The following PAN3 variants were observed in gnomAD, a reference collection of about 807,000 sequenced individuals.
PAN3 encodes PAN2-PAN3 deadenylation complex subunit PAN3.
In PAN3, 19 loss-of-function variants were observed where a neutral mutation model predicts 96.2. That is an observed-to-expected ratio of 0.20 (90% CI 0.14 to 0.29). PAN3 has a LOEUF of 0.29. Among genes scored for constraint, PAN3 ranks in the 10% least tolerant of loss-of-function variants. The pLI is 1.00. For missense variants in PAN3, 882 were observed against 1,108.1 expected (o/e 0.80, Z 2.90); for synonymous variants, 433 against 406.6 (o/e 1.06, Z -0.78).
At chr13:28,266,920 G>A in intron 10 of PAN3, 44 bp downstream of exon 10, 10 of 1,458,740 alleles carry the variant, frequency 6.9e-6, no homozygotes, top group Non-Finnish European at 9.1e-6. Context: ...TATCATTGAG[G>A]CTAAGATTAT....
rs987806407 is a variant in PAN3, at chr13:28,277,519, T to G, written c.2189+143T>G. On this transcript the variant is annotated intron_variant, in intron 15 of 18. Coordinates refer to ENST00000380958, the MANE Select transcript of PAN3 (RefSeq NM_175854.8). ...TTATGTCTTTATTTTTATTGCAAAG[T>G]AAATATTTCTTAGATAAATTGATAA... 1.2e-5 allele frequency: 10 copies of G among 837,176 alleles called. No individual in the cohort carries two copies. The East Asian group carries it at 2.9e-4, about 24-fold the overall frequency. The allele number at this position is 837,176 out of a possible 1,614,324, so 51.9% of individuals were successfully genotyped here.
At chr13:28,286,770 G>A (rs145043862) in intron 17 of PAN3, among the ~76,000 whole-genome samples, 1 of 152,142 alleles carries the variant, frequency 6.6e-6, no homozygotes, top group Non-Finnish European at 1.5e-5. Flanking sequence ...GAGATAAATG[G>A]GTGTTTAATC....
chr13:28,154,275 G>A (rs887822966), intron 1 of PAN3, among the ~76,000 whole-genome samples: 3 of 152,150 alleles, frequency 2.0e-5, no homozygotes, highest in African/African-American at 7.2e-5. Flanking sequence ...TCATAAACAT[G>A]TTCAGGTCAA....
At chr13:28,219,980 A>T (rs1881228116) in intron 5 of PAN3, among the ~76,000 whole-genome samples, 1 of 152,226 alleles carries the variant, frequency 6.6e-6, no homozygotes, top group African/African-American at 2.4e-5. Flanking sequence ...CTTGATAATA[A>T]AGACAAATTT....
intron 8 of PAN3, 84 bp from the exon 9 acceptor site, chr13:28,261,316 TA>T: frequency 1.1e-6 from 1 of 920,320 alleles, no homozygotes; most frequent in African/African-American, 1.7e-5. Flanking sequence ...CCAAAAATAT[TA>T]ATACTTAGGT....
chr13:28,222,328 A>G (rs1367076346), intron 6 of PAN3, among the ~76,000 whole-genome samples: 1 of 152,154 alleles, frequency 6.6e-6, no homozygotes, highest in South Asian at 2.1e-4. Flanking sequence ...AAATTAGCTG[A>G]AAATCTATTC....
At chr13:28,211,246 A>C (rs962030750) in intron 5 of PAN3, among the ~76,000 whole-genome samples, 7 of 152,034 alleles carry the variant, frequency 4.6e-5, no homozygotes, top group Non-Finnish European at 8.8e-5. Context: ...AACAAGGCAA[A>C]AAAAATTCCT....
At chr13:28,285,687 T>C (rs553581797) in intron 17 of PAN3, among the ~76,000 whole-genome samples, 11 of 152,308 alleles carry the variant, frequency 7.2e-5, no homozygotes, top group African/African-American at 2.6e-4. Flanking sequence ...TTTCTATCTC[T>C]AATTTTTTTT....
chr13:28,254,325 A>T lies in PAN3; in HGVS notation c.1001-1967A>T, dbSNP rs75148480. Among the ~76,000 whole-genome samples the T allele has an allele frequency of 3.2e-3, 493 of 152,276 alleles. 3 individuals are homozygous for T. The highest frequency in any genetic ancestry group is 0.01 in the Middle Eastern group (3 of 294). On this transcript the variant is annotated intron_variant, in intron 6 of 18. Transcript: ENST00000380958. Reference sequence around the variant, plus strand: ...GAAATAAATATGCTATACCTACCTCACAGGGTGGTTGTGAGGATTAAGTAG... The same window carrying T: ...GAAATAAATATGCTATACCTACCTCTCAGGGTGGTTGTGAGGATTAAGTAG...
chr13:28,266,953 T>A, intron 10 of PAN3, 77 bp downstream of exon 10: 4 of 1,282,760 alleles, frequency 3.1e-6, no homozygotes, highest in Non-Finnish European at 3.1e-6. Context: ...GAATATATTA[T>A]TTAATATATG....
Position 28,287,995 on chromosome 13 carries a change from A to T in PAN3, c.2396A>T (p.Asp799Val). ...TINERPEFQK[D>V]PTWSETGDRY... Reference sequence around the variant, plus strand: ...TTCATTTCCCCCAGGTTTCAGAAGGATCCCACTTGGTCAGAGACTGGAGAC... The same window carrying T: ...TTCATTTCCCCCAGGTTTCAGAAGGTTCCCACTTGGTCAGAGACTGGAGAC... Residue 799 changes from aspartate to valine, a missense_variant, in exon 18 of 19, where the codon GAT (aspartate) becomes GTT (valine). By Grantham distance (152) the Asp-to-Val change is radical. Around this residue, in one of 3 missense-constraint regions of PAN3, gnomAD observed 76 missense variants for 171.7 expected, o/e 0.44. Coordinates refer to ENST00000380958, the MANE Select transcript of PAN3 (RefSeq NM_175854.8). The T allele has an allele frequency of 6.2e-7, 1 of 1,610,722 alleles. No individual in the cohort carries two copies.
rs1164399682 is a variant in PAN3, at chr13:28,138,979, G to C, written c.322G>C (p.Ala108Pro). Reference sequence around the variant, plus strand: ...GCCGGGAGCCGTCGCGGGCGGGGGAGCTGGGCCGCCCCCCGGGCCCAAGAA... The same window carrying C: ...GCCGGGAGCCGTCGCGGGCGGGGGACCTGGGCCGCCCCCCGGGCCCAAGAA... ...FPPGAVAGGGAGPPPGPKKPD... is the reference protein window; with the variant it reads ...FPPGAVAGGGPGPPPGPKKPD... Residue 108 changes from alanine (A) to proline (P), a missense_variant, in exon 1 of 19, where the codon GCT (alanine) becomes CCT (proline). By Grantham distance (27) the Ala-to-Pro change is conservative (BLOSUM62 -1). Coordinates refer to ENST00000380958, the MANE Select transcript of PAN3 (RefSeq NM_175854.8). The C allele has an allele frequency of 1.6e-6, 2 of 1,273,416 alleles. No homozygotes were observed. The highest frequency in any genetic ancestry group is 1.5e-5 in the African/African-American group (1 of 64,796). 78.9% of individuals were successfully genotyped at this position (1,273,416 alleles called of 1,614,324 possible). A position where few individuals can be genotyped will look rare whatever the true frequency, so the allele number is the denominator to read the frequency against.
chr13:28,205,377 C>A (rs936386215), intron 5 of PAN3, among the ~76,000 whole-genome samples: 3 of 152,150 alleles, frequency 2.0e-5, no homozygotes, highest in Non-Finnish European at 4.4e-5. Flanking sequence ...TGGACCTCCT[C>A]TTCTCTCTAG....
intron 6 of PAN3, among the ~76,000 whole-genome samples, chr13:28,223,968 A>G (rs1881714716): frequency 7.5e-6 from 1 of 133,202 alleles, no homozygotes; most frequent in Non-Finnish European, 1.5e-5. Flanking sequence ...TGCCAGGTTC[A>G]CGCCATTCTC....
intron 5 of PAN3, among the ~76,000 whole-genome samples, chr13:28,205,074 T>A (rs1397738901): frequency 6.6e-6 from 1 of 152,166 alleles, no homozygotes; most frequent in Non-Finnish European, 1.5e-5. Flanking sequence ...TGAGTTCTAG[T>A]TGCTTGTTAC....
chr13:28,219,483 G>C (rs1881153382), intron 5 of PAN3, among the ~76,000 whole-genome samples: 1 of 152,026 alleles, frequency 6.6e-6, no homozygotes, highest in South Asian at 2.1e-4. Context: ...AATTTAATGT[G>C]GGCAATATTA....
At chr13:28,277,492 C>A in intron 15 of PAN3, 116 bp downstream of exon 15, 1 of 975,954 alleles carries the variant, frequency 1.0e-6, no homozygotes, top group Non-Finnish European at 1.5e-6. Flanking sequence ...AAAACAGAAA[C>A]TTTATGTCTT....
chr13:28,244,759 CAGT>C (rs57604541), intron 6 of PAN3, among the ~76,000 whole-genome samples: 151,691 of 152,050 alleles, frequency 1, 75,666 homozygotes, highest in Middle Eastern at 1. Context: ...TTCTTTTCTT[CAGT>C]AGTAGTTTTT....
chr13:28,203,863 G>T (rs1879046333), intron 5 of PAN3, among the ~76,000 whole-genome samples: 1 of 150,596 alleles, frequency 6.6e-6, no homozygotes, highest in Non-Finnish European at 1.5e-5. Flanking sequence ...TAGTGCAGTG[G>T]TGTGATCTCG....
Sources: allele counts gnomAD v4.1 joint callset (sites outside exome capture counted in the v4.1 genomes callset), GRCh38; gene constraint gnomAD v4.1.1; regional missense constraint gnomAD v4.1.1; transcripts MANE v1.5; gene names NCBI Gene and HGNC (gene_info 2026-07-23, HGNC 2026-07-21).